Variants in PIK3C3 observed in about 807,000 individuals in gnomAD.
PIK3C3 encodes the protein phosphatidylinositol 3-kinase catalytic subunit type 3.
PIK3C3 carries 95 observed loss-of-function variants against 126.1 expected under a neutral mutation model. The observed-to-expected ratio is 0.75, with a 90% CI of 0.64 to 0.89. The LOEUF (loss-of-function observed/expected upper bound fraction) is 0.89. PIK3C3 is among the 40% of genes least tolerant of loss of function. PIK3C3 has a pLI of 0.00. For missense variants in PIK3C3, 829 were observed against 1,063.2 expected (o/e 0.78, Z 3.06); for synonymous variants, 374 against 360.0 (o/e 1.04, Z -0.44).
At chr18:42,011,745 A>G (rs1982835965) in intron 10 of PIK3C3, among the ~76,000 whole-genome samples, 1 of 151,952 alleles carries the variant, frequency 6.6e-6, no homozygotes, top group Non-Finnish European at 1.5e-5. Flanking sequence ...TGCCTTCTTC[A>G]CTAAGCTTAA....
chr18:42,049,602 A>G lies in PIK3C3; in HGVS notation c.2260A>G (p.Thr754Ala), dbSNP rs1010520195. The change falls in exon 21 of 25, where the codon ACA (threonine) becomes GCA (alanine). Residue 754 changes from threonine (T) to alanine (A), a missense_variant. Transcript: ENST00000262039. The part of the protein sequence containing the change: ...RHLDNLLLTK[T>A]GKLFHIDFGY... ...CCTGGATAACCTTTTGCTAACAAAA[A>G]CAGGTAACAATTAATGACTACCAGT... The G allele has an allele frequency of 1.2e-6, 2 of 1,607,674 alleles. No individual in the cohort carries two copies. The highest frequency in any genetic ancestry group is 2.7e-5 in the African/African-American group (2 of 74,812).
intron 21 of PIK3C3, among the ~76,000 whole-genome samples, chr18:42,054,066 G>A (rs1412950642): frequency 7.3e-6 from 1 of 137,920 alleles, no homozygotes; most frequent in East Asian, 2.3e-4. Context: ...ATCTTAATTG[G>A]ACATTTTCTT....
Position 42,067,498 on chromosome 18 carries a change from T to G in PIK3C3, c.2634T>G (p.Ile878Met). 1 of 1,614,112 alleles carries G rather than the reference T, an allele frequency of 6.2e-7. No individual in the cohort carries two copies. The highest frequency in any genetic ancestry group is 8.5e-7 in the Non-Finnish European group (1 of 1,179,964). The part of the protein sequence containing the change: ...HALFAAVVEQ[I>M]HKFAQYWRK ...TTTTTGCTGCAGTGGTGGAACAGAT[T>G]CACAAGTTTGCCCAGGTAAGTTCCC... is the stretch of plus-strand genomic sequence containing the variant. The change falls in exon 24 of 25, where the codon ATT becomes ATG. Residue 878 changes from isoleucine (I) to methionine (M), a missense_variant. Coordinates refer to ENST00000262039, the MANE Select transcript of PIK3C3 (RefSeq NM_002647.4).
Position 41,996,945 on chromosome 18 carries a change from G to A in PIK3C3, c.984+215G>A, listed in dbSNP as rs151272862. On this transcript the variant is annotated intron_variant, in intron 9 of 24. Transcript: ENST00000262039. The stretch of plus-strand genomic sequence containing the variant: ...TGACTCATAGACAATGTCTGAATGG[G>A]TTTTGAAGTCAGAGAGACTTGGGTT... 8.7e-4 allele frequency among the ~76,000 whole-genome samples: 133 copies of A among 152,236 alleles called. 1 individual carries two copies. Among genetic ancestry groups the A allele is most frequent in the African/African-American group, 3.1e-3 (129 of 41,554 alleles).
Position 41,996,635 on chromosome 18 carries a change from T to C in PIK3C3, c.892-3T>C, listed in dbSNP as rs757342755. ...ATTAGTTCTTTTTCTTTTTTTGTTTTAGATTATTGTGAGTTATCCACCAAC... is the reference window on the plus strand; with the variant it reads ...ATTAGTTCTTTTTCTTTTTTTGTTTCAGATTATTGTGAGTTATCCACCAAC... On this transcript the variant is annotated splice_polypyrimidine_tract_variant and splice_region_variant and intron_variant, in intron 8 of 24. Coordinates refer to ENST00000262039, the MANE Select transcript of PIK3C3 (RefSeq NM_002647.4). 41 of 1,484,982 alleles carry C rather than the reference T, an allele frequency of 2.8e-5. No individual in the cohort carries two copies. The highest frequency in any genetic ancestry group is 3.7e-5 in the Non-Finnish European group (40 of 1,090,458). 92.0% of individuals were successfully genotyped at this position (1,484,982 alleles called of 1,614,324 possible).
At chr18:42,057,703 A>G in intron 21 of PIK3C3, 180 bp from the exon 22 acceptor site, 1 of 566,090 alleles carries the variant, frequency 1.8e-6, no homozygotes. Flanking sequence ...AAAATGAGTT[A>G]ATTATGTTCT....
At chr18:41,986,688 A>G (rs1184616033) in intron 4 of PIK3C3, among the ~76,000 whole-genome samples, 2 of 152,038 alleles carry the variant, frequency 1.3e-5, no homozygotes, top group Non-Finnish European at 2.9e-5. Flanking sequence ...ATATTTGTCT[A>G]TTATTCCACC....
intron 16 of PIK3C3, 87 bp from the exon 17 acceptor site, chr18:42,037,605 T>TTA (rs1419323432): frequency 1.7e-6 from 2 of 1,206,532 alleles, no homozygotes; most frequent in African/African-American, 3.0e-5. Flanking sequence ...TGTATTTATC[T>TTA]TATATATCAA....
chr18:42,038,925 G>A (rs1042328616), intron 18 of PIK3C3, 75 bp downstream of exon 18: 12 of 899,748 alleles, frequency 1.3e-5, no homozygotes, highest in Non-Finnish European at 1.9e-5. Context: ...AAATTTTTAA[G>A]TATGTTAGAG....
chr18:41,993,409 T>G (rs1981876195), intron 7 of PIK3C3, 68 bp downstream of exon 7: 1 of 995,514 alleles, frequency 1.0e-6, no homozygotes. Context: ...AGCCACATCA[T>G]GTACTTTCTT....
chr18:42,080,442 G>T lies in PIK3C3; in HGVS notation c.2650-681G>T, dbSNP rs192941374. ...TTCTCTGAGTAATAATGAAGTGAAGGTCTTAGAAACAGAATTCATGTAAGC... is the reference window on the plus strand; with the variant it reads ...TTCTCTGAGTAATAATGAAGTGAAGTTCTTAGAAACAGAATTCATGTAAGC... On this transcript the variant is annotated intron_variant, in intron 24 of 24. Coordinates refer to ENST00000262039, the MANE Select transcript of PIK3C3 (RefSeq NM_002647.4). 4.2e-3 allele frequency among the ~76,000 whole-genome samples: 597 copies of T among 143,562 alleles called. 3 individuals are homozygous for T. Among genetic ancestry groups the T allele is most frequent in the African/African-American group, 0.014 (561 of 40,116 alleles). 94.2% of individuals were successfully genotyped at this position (143,562 alleles called of 152,430 possible). A position where few individuals can be genotyped will look rare whatever the true frequency, so the allele number is the denominator to read the frequency against.
At chr18:42,004,875 G>A (rs1982467854) in intron 10 of PIK3C3, among the ~76,000 whole-genome samples, 1 of 152,102 alleles carries the variant, frequency 6.6e-6, no homozygotes, top group Non-Finnish European at 1.5e-5. Context: ...ACCAGCTAGG[G>A]AATAATTCAG....
intron 15 of PIK3C3, among the ~76,000 whole-genome samples, chr18:42,030,636 G>A (rs1983779387): frequency 6.6e-6 from 1 of 152,100 alleles, no homozygotes; most frequent in African/African-American, 2.4e-5. Context: ...GAGGAAACAC[G>A]GTTCTGTTGA....
chr18:42,054,172 A>ATATATC (rs1568002804), intron 21 of PIK3C3, among the ~76,000 whole-genome samples: 3 of 68,512 alleles, frequency 4.4e-5, no homozygotes, highest in Non-Finnish European at 5.7e-5. Context: ...ATATATATAT[A>ATATATC]TATATATATA....
intron 13 of PIK3C3, among the ~76,000 whole-genome samples, chr18:42,022,215 G>T (rs1983357209): frequency 6.6e-6 from 1 of 152,098 alleles, no homozygotes; most frequent in Non-Finnish European, 1.5e-5. Flanking sequence ...ATGTATACAT[G>T]TGCCATGTTG....
intron 10 of PIK3C3, among the ~76,000 whole-genome samples, chr18:42,010,648 T>A (rs1018054014): frequency 1.3e-5 from 2 of 152,098 alleles, no homozygotes; most frequent in African/African-American, 2.4e-5. Flanking sequence ...TTACAGGCAC[T>A]GAAGTCGTCA....
At chr18:42,059,477 C>G (rs1985220675) in intron 22 of PIK3C3, among the ~76,000 whole-genome samples, 1 of 152,030 alleles carries the variant, frequency 6.6e-6, no homozygotes, top group South Asian at 2.1e-4. Context: ...AGGTGGCGGA[C>G]AAGATGGTAA....
chr18:42,052,858 C>T (rs1011013831), intron 21 of PIK3C3: 3 of 152,106 alleles, frequency 2.0e-5, no homozygotes, highest in Non-Finnish European at 4.4e-5. Context: ...ACTTTGGGTT[C>T]TCTTACATAA....
chr18:41,958,031 CTG>C (rs1205342118), intron 2 of PIK3C3, among the ~76,000 whole-genome samples: 49 of 152,288 alleles, frequency 3.2e-4, no homozygotes, highest in African/African-American at 1.1e-3. Context: ...AAAAACACGT[CTG>C]TGGCATTTTA....
Sources: allele counts gnomAD v4.1 joint callset (sites outside exome capture counted in the v4.1 genomes callset), GRCh38; gene constraint gnomAD v4.1.1; transcripts MANE v1.5; gene names NCBI Gene and HGNC (gene_info 2026-07-23, HGNC 2026-07-21).